Variants in UGT1A9 observed in about 807,000 individuals in gnomAD.
The protein encoded by UGT1A9 is UDP-glucuronosyltransferase 1A9.
UGT1A9 carries 35 observed loss-of-function variants against 45.0 expected under a neutral mutation model. The observed-to-expected ratio is 0.78, with a 90% confidence interval of 0.59 to 1.03. The LOEUF (loss-of-function observed/expected upper bound fraction) is 1.03, where lower values mean the gene tolerates loss of function less well. UGT1A9 is among the 50% of genes least tolerant of loss of function. The pLI, the probability that UGT1A9 is intolerant of heterozygous loss-of-function variation, is 0.00. For missense variants in UGT1A9, 687 were observed against 666.6 expected (o/e 1.03, Z -0.34); for synonymous variants, 278 against 250.6 (o/e 1.11, Z -1.03).
intron 1 of UGT1A9, chr2:233,747,278 C>T (rs925407656): frequency 6.3e-6 from 10 of 1,599,168 alleles, no homozygotes; most frequent in Non-Finnish European, 8.5e-6. Flanking sequence ...CTTCTCAGTG[C>T]CCAGCCCTGG....
intron 1 of UGT1A9, among the ~76,000 whole-genome samples, chr2:233,704,481 T>A (rs555763956): frequency 1.3e-5 from 2 of 152,310 alleles, no homozygotes; most frequent in African/African-American, 2.4e-5. Flanking sequence ...CTCCCCTTTT[T>A]ATGATATTAT....
intron 1 of UGT1A9, among the ~76,000 whole-genome samples, chr2:233,758,245 A>C (rs1047370626): frequency 6.6e-6 from 1 of 152,214 alleles, no homozygotes; most frequent in African/African-American, 2.4e-5. Flanking sequence ...ATTGCCCACT[A>C]TTCAGATTAG....
chr2:233,721,161 ATT>A lies in UGT1A9; in HGVS notation c.856-45869_856-45868del, dbSNP rs372396731. Reference sequence around the variant, plus strand: ...ATTATTGCAAAGGACACTAAACTTTATTTTTGTTTTTGATCAAACCACAAGAT... The same window carrying A: ...ATTATTGCAAAGGACACTAAACTTTATTTGTTTTTGATCAAACCACAAGAT... On this transcript the variant is annotated intron_variant, in intron 1 of 4. Coordinates refer to ENST00000354728, the MANE Select transcript of UGT1A9 (RefSeq NM_021027.3). Among the ~76,000 whole-genome samples the A allele has an allele frequency of 3.5e-4, 54 of 152,170 alleles. 1 individual carries two copies. In the East Asian group the frequency reaches 0.01, roughly 29 times the overall value.
chr2:233,742,825 T>A (rs1692111244), intron 1 of UGT1A9: 1 of 153,966 alleles, frequency 6.5e-6, no homozygotes, highest in South Asian at 2.0e-4. Context: ...TTTGTAGATT[T>A]CACCACTACA....
intron 1 of UGT1A9, chr2:233,682,769 C>A (rs2074598452): frequency 1.2e-6 from 2 of 1,613,578 alleles, no homozygotes; most frequent in Non-Finnish European, 8.5e-7. Flanking sequence ...TATCAACTGT[C>A]ATCAGGGAAA....
chr2:233,729,585 C>G lies in UGT1A9; in HGVS notation c.856-37449C>G, dbSNP rs138617806. The G allele has an allele frequency of 8.1e-6, 13 of 1,613,966 alleles. No individual in the cohort carries two copies. In the African/African-American group the frequency reaches 1.3e-4, roughly 17 times the overall value. ...CCTTTGATGTGGTTTTAACAGACCC[C>G]GTTAACCTCTGCGCGGCAGTGCTGG... On this transcript the variant is annotated intron_variant, in intron 1 of 4. Coordinates refer to ENST00000354728, the MANE Select transcript of UGT1A9 (RefSeq NM_021027.3).
At chr2:233,739,588 C>A (rs1487878859) in intron 1 of UGT1A9, among the ~76,000 whole-genome samples, 1 of 152,180 alleles carries the variant, frequency 6.6e-6, no homozygotes, top group African/African-American at 2.4e-5. Context: ...TTGCATGGGG[C>A]CTATAGCCCC....
At chr2:233,730,791 G>A (rs530253240) in intron 1 of UGT1A9, among the ~76,000 whole-genome samples, 3 of 152,260 alleles carry the variant, frequency 2.0e-5, no homozygotes, top group African/African-American at 7.2e-5. Context: ...TGGGGACAGT[G>A]ATGAATGGAC....
At chr2:233,690,486 CT>C in intron 1 of UGT1A9, 1 of 1,289,570 alleles carries the variant, frequency 7.8e-7, no homozygotes, top group Non-Finnish European at 1.0e-6. Context: ...TTTGGGAAAT[CT>C]GCTCTTGCCA....
intron 1 of UGT1A9, among the ~76,000 whole-genome samples, chr2:233,720,871 A>ATTTTTTT (rs60621337): frequency 2.3e-5 from 3 of 132,772 alleles, no homozygotes; most frequent in Admixed American, 7.5e-5. Context: ...GCTCCTGGCA[A>ATTTTTTT]TTTTTTTTTT....
chr2:233,757,537 T>TAA (rs1696591664), intron 1 of UGT1A9, among the ~76,000 whole-genome samples: 3 of 107,778 alleles, frequency 2.8e-5, no homozygotes, highest in African/African-American at 1.4e-4. Context: ...CTGTAAGGAA[T>TAA]ATATATATAT....
intron 1 of UGT1A9, among the ~76,000 whole-genome samples, chr2:233,736,444 A>G (rs1261930355): frequency 1.3e-5 from 2 of 152,138 alleles, no homozygotes; most frequent in Non-Finnish European, 2.9e-5. Flanking sequence ...CTTCCTTGCA[A>G]TAGGTTCGAA....
chr2:233,717,658 A>G (rs1214490027), intron 1 of UGT1A9: 1 of 409,022 alleles, frequency 2.4e-6, no homozygotes, highest in Non-Finnish European at 5.0e-6. Flanking sequence ...ACAAGGAAGC[A>G]TCAGCAATCT....
At position 233,682,693 on chromosome 2, in the gene UGT1A9, G is replaced by A. The variant is rs17864686; in HGVS notation, c.855+9904G>A. The A allele has an allele frequency of 0.21, 340,870 of 1,613,738 alleles. 37,223 individuals are homozygous for A. Among genetic ancestry groups the A allele is most frequent in the Non-Finnish European group, 0.23 (267,951 of 1,179,798 alleles). Reference sequence around the variant, plus strand: ...TCTACAGCCACACATCAATTTGGTTGTTGCGAACTGACTTTGTTTTGGAGT... The same window carrying A: ...TCTACAGCCACACATCAATTTGGTTATTGCGAACTGACTTTGTTTTGGAGT... On this transcript the variant is annotated intron_variant, in intron 1 of 4. Transcript: ENST00000354728.
intron 1 of UGT1A9, chr2:233,718,978 C>A (rs200639166): frequency 6.2e-7 from 1 of 1,614,096 alleles, no homozygotes; most frequent in Non-Finnish European, 8.5e-7. Flanking sequence ...GAGCTCCATG[C>A]CAGAGGCCAC....
intron 1 of UGT1A9, among the ~76,000 whole-genome samples, chr2:233,715,640 T>C (rs6749496): frequency 0.45 from 68,545 of 151,744 alleles, 16,739 homozygotes; most frequent in African/African-American, 0.65. Flanking sequence ...GGTGTGATGG[T>C]GCACACCTGT....
rs17863788 is a variant in UGT1A9, at chr2:233,705,853, T to C, written c.855+33064T>C. 6.0e-3 allele frequency among the ~76,000 whole-genome samples: 911 copies of C among 152,278 alleles called. 8 individuals carry two copies. Among genetic ancestry groups the C allele is most frequent in the Middle Eastern group, 0.014 (4 of 294 alleles). ...AGTGGCTGGAGCTGAAGTGGGAAGCTGAGGCAGGCAGATCACTTGAGGCCA... is the reference window on the plus strand; with the variant it reads ...AGTGGCTGGAGCTGAAGTGGGAAGCCGAGGCAGGCAGATCACTTGAGGCCA... On this transcript the variant is annotated intron_variant, in intron 1 of 4. Coordinates refer to ENST00000354728, the MANE Select transcript of UGT1A9 (RefSeq NM_021027.3).
rs145923738 is a variant in UGT1A9 at position 233,672,437 on chromosome 2, T to C, written c.503T>C (p.Phe168Ser). 1.2e-4 allele frequency: 199 copies of C among 1,613,868 alleles called. No individual in the cohort carries two copies. The highest frequency in any genetic ancestry group is 1.4e-4 in the Non-Finnish European group (170 of 1,179,884). Residue 168 changes from phenylalanine (F) to serine (S), a missense_variant, in exon 1 of 5, where the codon TTC becomes TCC. Coordinates refer to ENST00000354728, the MANE Select transcript of UGT1A9 (RefSeq NM_021027.3). ...AKYFSLPSVVFARGILCHYLE... is the reference protein window; with the variant it reads ...AKYFSLPSVVSARGILCHYLE... ...TATTTCTCCCTCCCCTCCGTGGTCTTCGCCAGGGGAATACTTTGCCACTAT... is the reference window on the plus strand; with the variant it reads ...TATTTCTCCCTCCCCTCCGTGGTCTCCGCCAGGGGAATACTTTGCCACTAT...
chr2:233,753,194 G>GCCCT (rs1307613617), intron 1 of UGT1A9: 1 of 152,080 alleles, frequency 6.6e-6, no homozygotes, highest in Non-Finnish European at 1.5e-5. Context: ...TTTTTCAAAA[G>GCCCT]CCCTGACAGT....
Sources: allele counts gnomAD v4.1 joint callset (sites outside exome capture counted in the v4.1 genomes callset), GRCh38; gene constraint gnomAD v4.1.1; transcripts MANE v1.5; gene names NCBI Gene and HGNC (gene_info 2026-07-23, HGNC 2026-07-21).